The following SETMAR variants were observed in gnomAD, a reference collection of about 807,000 sequenced individuals.
The protein encoded by SETMAR is histone-lysine N-methyltransferase SETMAR.
Under a neutral mutation model 58.4 loss-of-function variants are expected in SETMAR, and 44 were observed. That is an observed-to-expected ratio of 0.75 (90% CI 0.59 to 0.97). The LOEUF (loss-of-function observed/expected upper bound fraction) is 0.97, where lower values mean the gene tolerates loss of function less well. SETMAR is among the 50% of genes least tolerant of loss of function. The pLI is 0.00. For synonymous variants in SETMAR, 332 were observed against 307.4 expected (o/e 1.08, Z -0.84); for missense variants, 903 against 840.2 (o/e 1.07, Z -0.92).
At chr3:4,308,885 T>C (rs57936983) in intron 1 of SETMAR, among the ~76,000 whole-genome samples, 13,854 of 152,266 alleles carry the variant, frequency 0.091, 799 homozygotes, top group African/African-American at 0.16. Flanking sequence ...GAGCCAAATA[T>C]GAGTGAGCAT....
At position 4,316,885 on chromosome 3, in the gene SETMAR, A is replaced by G. The variant is rs1201134488; in HGVS notation, c.1694A>G (p.Glu565Gly). ...GAGAAGTATGCTCAGGAAATCGATGAGATGAACCAAAAACTGCAACGCCTG... is the reference window on the plus strand; with the variant it reads ...GAGAAGTATGCTCAGGAAATCGATGGGATGAACCAAAAACTGCAACGCCTG... ...TSEKYAQEIDEMNQKLQRLQL... is the reference protein window; with the variant it reads ...TSEKYAQEIDGMNQKLQRLQL... The change falls in exon 3 of 3, where the codon GAG (glutamate) becomes GGG (glycine). Residue 565 changes from glutamate (E) to glycine (G), a missense_variant. Transcript: ENST00000358065. 1 of 1,549,446 alleles carries G rather than the reference A, an allele frequency of 6.5e-7. No homozygotes were observed. The highest frequency in any genetic ancestry group is 8.7e-7 in the Non-Finnish European group (1 of 1,146,754).
chr3:4,315,077 C>T (rs1472181875), intron 2 of SETMAR, among the ~76,000 whole-genome samples: 1 of 152,046 alleles, frequency 6.6e-6, no homozygotes, highest in Non-Finnish European at 1.5e-5. Flanking sequence ...TGGAATGGTT[C>T]CCTGTGAACA....
chr3:4,315,214 G>C (rs922549619), intron 2 of SETMAR, among the ~76,000 whole-genome samples: 3 of 152,140 alleles, frequency 2.0e-5, no homozygotes, highest in Non-Finnish European at 4.4e-5. Flanking sequence ...AAGCAGTCCT[G>C]CTTTTAATAA....
chr3:4,303,642 G>T (rs1698047345), intron 1 of SETMAR, 116 bp downstream of exon 1: 16 of 1,423,930 alleles, frequency 1.1e-5, no homozygotes, highest in Non-Finnish European at 1.5e-5. Context: ...CTCTTACAGC[G>T]CACCCGTTGG....
Position 4,303,706 on chromosome 3 carries a change from G to C in SETMAR, c.156+180G>C, listed in dbSNP as rs1477663954. ...CCTGGGCCTTTTTCTGTTGACCCAC[G>C]GCATCACCTTAGCAAGGGTGTTGTC... On this transcript the variant is annotated intron_variant, in intron 1 of 2. Coordinates refer to ENST00000358065, the MANE Select transcript of SETMAR (RefSeq NM_006515.4). 2.7e-6 allele frequency: 4 copies of C among 1,503,176 alleles called. No homozygotes were observed. In the African/African-American group the frequency reaches 5.6e-5, roughly 21 times the overall value. 93.1% of individuals were successfully genotyped at this position (1,503,176 alleles called of 1,614,324 possible). A position where few individuals can be genotyped will look rare whatever the true frequency, so the allele number is the denominator to read the frequency against.
At position 4,316,850 on chromosome 3, in the gene SETMAR, C is replaced by A. The variant is rs1698679272; in HGVS notation, c.1659C>A (p.Thr553=). ...ACAGCTTTCTGAATCCCGGTGAAAC[C>A]ATTACATCTGAGAAGTATGCTCAGG... ...IHYSFLNPGE[T]ITSEKYAQEI... The change falls in exon 3 of 3, where the codon ACC becomes ACA. Residue 553 remains threonine (T), a synonymous_variant. Transcript: ENST00000358065. 3 of 1,549,934 alleles carry A rather than the reference C, an allele frequency of 1.9e-6. No homozygotes were observed. Among genetic ancestry groups the A allele is most frequent in the Non-Finnish European group, 2.6e-6 (3 of 1,146,722 alleles).
Position 4,313,484 on chromosome 3 carries a change from C to T in SETMAR, c.743C>T (p.Ala248Val), listed in dbSNP as rs1698505065. ...DSMVPKLALF[A>V]AKDIVPEEEL... ...ATGGTACCTAAGTTGGCACTTTTTG[C>T]AGCCAAAGATATTGTGCCAGAAGAA... Residue 248 changes from alanine to valine, a missense_variant, in exon 2 of 3, where the codon GCA (alanine) becomes GTA (valine). Transcript: ENST00000358065. 8.7e-6 allele frequency: 14 copies of T among 1,613,510 alleles called. No individual in the cohort carries two copies. Among genetic ancestry groups the T allele is most frequent in the Non-Finnish European group, 1.2e-5 (14 of 1,179,866 alleles).
intron 2 of SETMAR, chr3:4,314,078 G>A: frequency 2.2e-6 from 1 of 458,862 alleles, no homozygotes; most frequent in African/African-American, 2.0e-5. Context: ...TGGCTGGAAT[G>A]TATACATGAT....
At chr3:4,311,962 C>T (rs954550021) in intron 1 of SETMAR, among the ~76,000 whole-genome samples, 3 of 152,190 alleles carry the variant, frequency 2.0e-5, no homozygotes, top group African/African-American at 7.2e-5. Flanking sequence ...GATCAGGCTT[C>T]ACATAGAGTT....
At position 4,303,441 on chromosome 3, in the gene SETMAR, C is replaced by T; in HGVS notation, c.71C>T (p.Pro24Leu). The change falls in exon 1 of 3, where the codon CCG becomes CTG. Residue 24 changes from proline to leucine, a missense_variant. Physicochemically the swap from Pro to Leu is moderately conservative, Grantham distance 98. Coordinates refer to ENST00000358065, the MANE Select transcript of SETMAR (RefSeq NM_006515.4). ...MAEFKEKPEAPTEQLDVACGQ... is the reference protein window; with the variant it reads ...MAEFKEKPEALTEQLDVACGQ... Reference sequence around the variant, plus strand: ...GAGTTTAAGGAGAAGCCTGAGGCCCCGACTGAGCAGCTGGATGTCGCGTGC... The same window carrying T: ...GAGTTTAAGGAGAAGCCTGAGGCCCTGACTGAGCAGCTGGATGTCGCGTGC... 1 of 1,551,026 alleles carries T rather than the reference C, an allele frequency of 6.4e-7. No individual in the cohort carries two copies. The highest frequency in any genetic ancestry group is 2.7e-5 in the East Asian group (1 of 37,508).
At chr3:4,309,232 A>C (rs888396964) in intron 1 of SETMAR, among the ~76,000 whole-genome samples, 44 of 152,160 alleles carry the variant, frequency 2.9e-4, no homozygotes, top group African/African-American at 1.1e-3. Flanking sequence ...TCAGACTTAA[A>C]GAGTCTGTTC....
chr3:4,304,642 T>C (rs1346104007), intron 1 of SETMAR, among the ~76,000 whole-genome samples: 1 of 152,234 alleles, frequency 6.6e-6, no homozygotes, highest in Non-Finnish European at 1.5e-5. Context: ...GCATAGCCCC[T>C]TTAACATCCA....
In SETMAR at chr3:4,313,469, A is replaced by G; in HGVS notation, c.728A>G (p.Lys243Arg). The G allele has an allele frequency of 6.2e-7, 1 of 1,614,028 alleles. No homozygotes were observed. The highest frequency in any genetic ancestry group is 8.5e-7 in the Non-Finnish European group (1 of 1,179,990). Residue 243 changes from lysine (K) to arginine (R), a missense_variant, in exon 2 of 3, where the codon AAG (lysine) becomes AGG (arginine). Transcript: ENST00000358065. ...IPVRIDSMVPKLALFAAKDIV... is the reference protein window; with the variant it reads ...IPVRIDSMVPRLALFAAKDIV... ...GTCCGAATTGACTCAATGGTACCTA[A>G]GTTGGCACTTTTTGCAGCCAAAGAT... is the stretch of plus-strand genomic sequence containing the variant.
At position 4,316,303 on chromosome 3, in the gene SETMAR, A is replaced by G; in HGVS notation, c.1112A>G (p.Asn371Ser). Residue 371 changes from asparagine to serine, a missense_variant, in exon 3 of 3, where the codon AAC (asparagine) becomes AGC (serine). Coordinates refer to ENST00000358065, the MANE Select transcript of SETMAR (RefSeq NM_006515.4). ...MGRKAAETTR[N>S]INNAFGPGTA... ...CGTAAAGCAGCAGAAACAACTCGCA[A>G]CATCAACAATGCATTTGGCCCAGGA... The G allele has an allele frequency of 1.8e-6, 2 of 1,107,804 alleles. No homozygotes were observed. Among genetic ancestry groups the G allele is most frequent in the Non-Finnish European group, 2.6e-6 (2 of 755,506 alleles). 68.6% of individuals were successfully genotyped at this position (1,107,804 alleles called of 1,614,324 possible).
At chr3:4,308,543 T>C (rs1698281896) in intron 1 of SETMAR, among the ~76,000 whole-genome samples, 1 of 152,224 alleles carries the variant, frequency 6.6e-6, no homozygotes, top group African/African-American at 2.4e-5. Context: ...TTCATTAAAA[T>C]TTCATGATAG....
chr3:4,304,145 C>T (rs886602348), intron 1 of SETMAR: 18 of 167,938 alleles, frequency 1.1e-4, no homozygotes, highest in African/African-American at 3.4e-4. Context: ...CCTTTCTACT[C>T]TCCTTTTTCT....
Position 4,316,337 on chromosome 3 carries a change from C to G in SETMAR, c.1146C>G (p.Asn382Lys). 1 of 1,426,972 alleles carries G rather than the reference C, an allele frequency of 7.0e-7. No individual in the cohort carries two copies. The highest frequency in any genetic ancestry group is 9.6e-7 in the Non-Finnish European group (1 of 1,042,552). The allele number at this position is 1,426,972 out of a possible 1,614,324, so 88.4% of individuals were successfully genotyped here. Residue 382 changes from asparagine to lysine, a missense_variant, in exon 3 of 3, where the codon AAC (asparagine) becomes AAG (lysine). Physicochemically the swap from Asn to Lys is moderately conservative, Grantham distance 94. Transcript: ENST00000358065. ...INNAFGPGTA[N>K]ERTVQWWFKK... is the part of the protein sequence containing the mutation. ...ATGCATTTGGCCCAGGAACTGCTAA[C>G]GAACGTACAGTGCAGTGGTGGTTCA...
chr3:4,308,580 G>A (rs2125084534), intron 1 of SETMAR, among the ~76,000 whole-genome samples: 1 of 152,250 alleles, frequency 6.6e-6, no homozygotes, highest in East Asian at 1.9e-4. Context: ...TATTATCCTT[G>A]TCTTATAGCT....
rs753783828 is a variant in SETMAR, at chr3:4,313,255, G to T, written c.514G>T (p.Val172Phe). Residue 172 changes from valine (V) to phenylalanine (F), a missense_variant, in exon 2 of 3, where the codon GTT becomes TTT. Transcript: ENST00000358065. ...GRFVCEYAGEVLGFSEVQRRI... is the reference protein window; with the variant it reads ...GRFVCEYAGEFLGFSEVQRRI... ...GTTTGTCTGTGAATATGCTGGTGAG[G>T]TTTTAGGATTCTCTGAAGTTCAGAG... 2 of 1,613,918 alleles carry T rather than the reference G, an allele frequency of 1.2e-6. No homozygotes were observed. The highest frequency in any genetic ancestry group is 1.1e-5 in the South Asian group (1 of 91,076).
Sources: gnomAD v4.1 joint callset for allele counts (sites outside exome capture counted in the v4.1 genomes callset) on GRCh38, gnomAD v4.1.1 for gene constraint, MANE v1.5 for transcripts, NCBI Gene and HGNC (gene_info 2026-07-23, HGNC 2026-07-21) for gene names.